The following AFF3 variants were observed in gnomAD, a reference collection of about 807,000 sequenced individuals.
The protein encoded by AFF3 is AF4/FMR2 family member 3.
A neutral mutation model predicts 129.7 loss-of-function variants in AFF3; 32 were observed. The ratio of observed to expected loss-of-function variants is 0.25; its 90% confidence interval spans 0.19 to 0.33. The LOEUF is 0.33. Ranked by LOEUF, AFF3 falls within the 10% of genes least tolerant of loss-of-function variation. The pLI is 1.00. For missense variants in AFF3, 1,373 were observed against 1,592.0 expected (o/e 0.86, Z 2.34); for synonymous variants, 644 against 635.4 (o/e 1.01, Z -0.20).
intron 18 of AFF3, among the ~76,000 whole-genome samples, chr2:99,572,218 G>A (rs1676533176): frequency 6.7e-6 from 1 of 150,198 alleles, no homozygotes; most frequent in African/African-American, 2.5e-5. Context: ...CATTATGAGA[G>A]CTCTCTCCAA....
chr2:100,009,597 G>C (rs1409882289), intron 4 of AFF3, among the ~76,000 whole-genome samples: 1 of 152,194 alleles, frequency 6.6e-6, no homozygotes, highest in Non-Finnish European at 1.5e-5. Context: ...ATTGAATTAT[G>C]TTGTGTCATC....
chr2:99,912,080 TA>T (rs1191872927), intron 7 of AFF3, among the ~76,000 whole-genome samples: 1 of 151,992 alleles, frequency 6.6e-6, no homozygotes, highest in East Asian at 1.9e-4. Flanking sequence ...TCAATGGGAG[TA>T]ATATATTGCT....
intron 7 of AFF3, among the ~76,000 whole-genome samples, chr2:99,893,861 G>T (rs1693747496): frequency 3.3e-5 from 5 of 152,154 alleles, no homozygotes; most frequent in African/African-American, 1.2e-4. Flanking sequence ...CAGAAACTGA[G>T]AATCTGGGTT....
chr2:99,716,954 CCT>C (rs1354176998), intron 11 of AFF3, among the ~76,000 whole-genome samples: 9 of 152,096 alleles, frequency 5.9e-5, no homozygotes, highest in Non-Finnish European at 7.4e-5. Context: ...CACAGCAACC[CCT>C]GTTGCCTTTT....
At chr2:99,658,680 T>C (rs567751972) in intron 12 of AFF3, among the ~76,000 whole-genome samples, 1 of 152,320 alleles carries the variant, frequency 6.6e-6, no homozygotes, top group Admixed American at 6.5e-5. Flanking sequence ...TCCAGGAAGA[T>C]TAGCTTGCCT....
intron 1 of AFF3, among the ~76,000 whole-genome samples, chr2:100,139,635 G>C (rs184125650): frequency 4.8e-4 from 73 of 152,264 alleles, no homozygotes; most frequent in Non-Finnish European, 8.8e-4. Context: ...TTAATGATGA[G>C]AACAATGGTG....
Position 99,966,814 on chromosome 2 carries a change from TTA to T in AFF3, c.873+39816_873+39817del, listed in dbSNP as rs201288475. On this transcript the variant is annotated intron_variant, in intron 7 of 24. Transcript: ENST00000672756. ...ATAAATAAAATCTTTATCATAATATTTATGAGGAAAATAATTGATTCTGATTT... is the reference window on the plus strand; with the variant it reads ...ATAAATAAAATCTTTATCATAATATTTGAGGAAAATAATTGATTCTGATTT... Among the ~76,000 whole-genome samples, 70 of 151,746 alleles carry T rather than the reference TTA, an allele frequency of 4.6e-4. No homozygotes were observed. The East Asian group carries it at 0.012, about 26-fold the overall frequency.
intron 15 of AFF3, among the ~76,000 whole-genome samples, chr2:99,592,624 T>C (rs1368194688): frequency 6.6e-6 from 1 of 152,198 alleles, no homozygotes; most frequent in Non-Finnish European, 1.5e-5. Flanking sequence ...AAGGCTTAAT[T>C]ACCTATAACT....
At chr2:99,717,643 G>A (rs1458732597) in intron 11 of AFF3, among the ~76,000 whole-genome samples, 2 of 152,080 alleles carry the variant, frequency 1.3e-5, no homozygotes, top group African/African-American at 2.4e-5. Context: ...CACGTATTGC[G>A]AATATATTCT....
rs561670961 is a variant in AFF3, at chr2:99,547,274, T to C, written c.*4200A>G. The C allele has an allele frequency of 1.0e-4, 22 of 216,138 alleles. No individual in the cohort carries two copies. The highest frequency in any genetic ancestry group is 2.0e-4 in the Non-Finnish European group (21 of 107,040). 13.4% of individuals were successfully genotyped at this position (216,138 alleles called of 1,614,324 possible). Reference sequence around the variant, plus strand: ...CTCATTTACAACATAAATCATTTAATGTAACATTTGCAACCTTAGAAAGGC... The same window carrying C: ...CTCATTTACAACATAAATCATTTAACGTAACATTTGCAACCTTAGAAAGGC... On this transcript the variant is annotated 3_prime_UTR_variant, in exon 25 of 25. Transcript: ENST00000672756.
chr2:99,798,711 A>G (rs1056633690), intron 8 of AFF3, among the ~76,000 whole-genome samples: 9 of 152,070 alleles, frequency 5.9e-5, no homozygotes, highest in African/African-American at 1.4e-4. Context: ...AAAGAAGTTT[A>G]TATCACATTG....
chr2:99,925,907 C>G (rs767972705), intron 7 of AFF3, among the ~76,000 whole-genome samples: 7 of 152,170 alleles, frequency 4.6e-5, no homozygotes, highest in Non-Finnish European at 1.0e-4. Context: ...GGGAATCAAC[C>G]AAGGTCTCAC....
intron 5 of AFF3, 26 bp downstream of exon 5, chr2:100,008,786 G>C (rs1235041062): frequency 6.2e-7 from 1 of 1,610,102 alleles, no homozygotes; most frequent in Non-Finnish European, 8.5e-7. Flanking sequence ...GTGAGAGGTA[G>C]AGATGAACAA....
At chr2:99,709,740 CTTA>C (rs1220908141) in intron 11 of AFF3, among the ~76,000 whole-genome samples, 1 of 152,134 alleles carries the variant, frequency 6.6e-6, no homozygotes, top group Non-Finnish European at 1.5e-5. Context: ...TTTCACCCTA[CTTA>C]TTATTCTATT....
intron 20 of AFF3, among the ~76,000 whole-genome samples, chr2:99,561,762 G>T (rs1675498181): frequency 6.6e-6 from 1 of 152,072 alleles, no homozygotes; most frequent in Non-Finnish European, 1.5e-5. Flanking sequence ...CTATGTGTCT[G>T]TTCTTCCTTC....
chr2:99,949,817 G>A (rs1675973092), intron 7 of AFF3, among the ~76,000 whole-genome samples: 1 of 152,204 alleles, frequency 6.6e-6, no homozygotes, highest in Admixed American at 6.5e-5. Flanking sequence ...CTGACCAGTA[G>A]CGGTCCGTGG....
intron 7 of AFF3, among the ~76,000 whole-genome samples, chr2:99,974,473 G>C (rs1678687758): frequency 6.6e-6 from 1 of 152,190 alleles, no homozygotes. Flanking sequence ...AACACTCGCA[G>C]ACAAGAAGCT....
At chr2:99,885,215 T>A (rs1184315363) in intron 7 of AFF3, among the ~76,000 whole-genome samples, 1 of 152,154 alleles carries the variant, frequency 6.6e-6, no homozygotes, top group Non-Finnish European at 1.5e-5. Flanking sequence ...TGCTCATCCA[T>A]CCCACCTGCA....
chr2:99,631,002 G>T, intron 13 of AFF3: 2 of 462,608 alleles, frequency 4.3e-6, no homozygotes, highest in Middle Eastern at 6.6e-4. Context: ...GAAGGAAGCA[G>T]CTACCAGCTA....
Sources: allele counts gnomAD v4.1 joint callset (sites outside exome capture counted in the v4.1 genomes callset), GRCh38; gene constraint gnomAD v4.1.1; transcripts MANE v1.5; gene names NCBI Gene and HGNC (gene_info 2026-07-23, HGNC 2026-07-21).